The following RBFOX1 variants were observed in gnomAD, a reference collection of about 807,000 sequenced individuals.
RBFOX1 encodes RNA binding protein fox-1 homolog 1.
RBFOX1 carries 8 observed loss-of-function variants against 57.7 expected under a neutral mutation model. The ratio of observed to expected loss-of-function variants is 0.14; its 90% CI spans 0.08 to 0.25. RBFOX1 has a LOEUF of 0.25. RBFOX1 is among the 10% of genes least tolerant of loss of function. RBFOX1 has a pLI of 1.00. For synonymous variants in RBFOX1, 326 were observed against 222.4 expected (o/e 1.47, Z -4.15); for missense variants, 611 against 548.5 (o/e 1.11, Z -1.14).
At chr16:6,843,333 A>G (rs906013200) in intron 3 of RBFOX1, among the ~76,000 whole-genome samples, 2 of 151,902 alleles carry the variant, frequency 1.3e-5, no homozygotes, top group African/African-American at 2.4e-5. Flanking sequence ...GAGAAAACAC[A>G]TATTCCAGGG....
At chr16:6,153,625 T>G (rs989357544) in intron 1 of RBFOX1, among the ~76,000 whole-genome samples, 2 of 152,010 alleles carry the variant, frequency 1.3e-5, no homozygotes, top group South Asian at 4.2e-4. Flanking sequence ...AACCTCTGCC[T>G]CCCGGGTTCA....
chr16:6,997,200 T>C (rs192803704), intron 3 of RBFOX1, among the ~76,000 whole-genome samples: 3 of 152,234 alleles, frequency 2.0e-5, no homozygotes, highest in African/African-American at 7.2e-5. Context: ...CCCCAATAAC[T>C]TTAAGGTTTC....
At chr16:6,348,897 A>G (rs2085815733) in intron 2 of RBFOX1, among the ~76,000 whole-genome samples, 1 of 152,160 alleles carries the variant, frequency 6.6e-6, no homozygotes, top group South Asian at 2.1e-4. Context: ...ACCCAGGAAA[A>G]GCAGATTTCA....
At chr16:7,589,219 C>G (rs2094304811) in intron 7 of RBFOX1, among the ~76,000 whole-genome samples, 1 of 152,188 alleles carries the variant, frequency 6.6e-6, no homozygotes, top group African/African-American at 2.4e-5. Context: ...TATAGCAGCA[C>G]TGCCTTCAAA....
chr16:7,218,111 C>T (rs557688680), intron 4 of RBFOX1, among the ~76,000 whole-genome samples: 1 of 152,026 alleles, frequency 6.6e-6, no homozygotes, highest in East Asian at 2.0e-4. Context: ...CTGAGTAGAG[C>T]TCCCTCTGCA....
chr16:5,711,251 A>G (rs1462510363), intron 3 of RBFOX1, among the ~76,000 whole-genome samples: 2 of 152,232 alleles, frequency 1.3e-5, no homozygotes, highest in Admixed American at 6.5e-5. Context: ...ATAACCCTGT[A>G]TGGTAAGTAT....
chr16:7,086,858 T>C (rs2060071455), intron 4 of RBFOX1, among the ~76,000 whole-genome samples: 1 of 152,176 alleles, frequency 6.6e-6, no homozygotes. Context: ...GCTTAGTTGG[T>C]GGGGCTTGGT....
intron 2 of RBFOX1, among the ~76,000 whole-genome samples, chr16:6,422,429 A>G (rs1195710603): frequency 6.6e-6 from 1 of 151,844 alleles, no homozygotes; most frequent in African/African-American, 2.4e-5. Context: ...CCCCTTGTCT[A>G]TTGTTCCCAT....
At chr16:6,992,152 C>G (rs968918554) in intron 3 of RBFOX1, among the ~76,000 whole-genome samples, 5 of 149,670 alleles carry the variant, frequency 3.3e-5, no homozygotes, top group Middle Eastern at 3.5e-3. Flanking sequence ...CAGAACCAAG[C>G]TCATAGAGAA....
intron 3 of RBFOX1, among the ~76,000 whole-genome samples, chr16:5,672,404 C>A (rs945383290): frequency 3.9e-5 from 6 of 152,138 alleles, no homozygotes; most frequent in African/African-American, 7.2e-5. Flanking sequence ...CAGTGCCCTC[C>A]TGCTCCAGGG....
At chr16:5,937,492 A>C (rs2059191003) in intron 4 of RBFOX1, among the ~76,000 whole-genome samples, 1 of 152,114 alleles carries the variant, frequency 6.6e-6, no homozygotes, top group Non-Finnish European at 1.5e-5. Flanking sequence ...ATTTTTCAGC[A>C]GTGAATATAT....
intron 3 of RBFOX1, among the ~76,000 whole-genome samples, chr16:6,989,389 G>A (rs775833168): frequency 2.0e-5 from 3 of 152,126 alleles, no homozygotes; most frequent in African/African-American, 7.2e-5. Context: ...ATTATATAGT[G>A]TATAATGAAT....
intron 2 of RBFOX1, among the ~76,000 whole-genome samples, chr16:6,648,093 T>G (rs2098548581): frequency 6.6e-6 from 1 of 152,188 alleles, no homozygotes; most frequent in African/African-American, 2.4e-5. Context: ...TCCACCTGCC[T>G]TGGCCTCCCA....
At chr16:6,998,768 C>T (rs1240913849) in intron 3 of RBFOX1, among the ~76,000 whole-genome samples, 1 of 152,042 alleles carries the variant, frequency 6.6e-6, no homozygotes, top group African/African-American at 2.4e-5. Flanking sequence ...GTAGGAAGGG[C>T]ATTTTATTAC....
chr16:6,062,364 C>A (rs78186135), intron 1 of RBFOX1, among the ~76,000 whole-genome samples: 131 of 152,160 alleles, frequency 8.6e-4, no homozygotes, highest in African/African-American at 3.1e-3. Context: ...GTAGGTCCCC[C>A]TGGCAACCAT....
intron 4 of RBFOX1, among the ~76,000 whole-genome samples, chr16:7,148,027 T>A (rs2075368715): frequency 6.6e-6 from 1 of 152,108 alleles, no homozygotes; most frequent in Non-Finnish European, 1.5e-5. Flanking sequence ...CACTTCAAGA[T>A]CAGAGGCCAA....
intron 5 of RBFOX1, among the ~76,000 whole-genome samples, chr16:7,526,777 G>A (rs1008462535): frequency 2.6e-5 from 4 of 152,162 alleles, no homozygotes; most frequent in Admixed American, 1.3e-4. Flanking sequence ...TCCCCACCAC[G>A]TATGAAGTGT....
At chr16:5,337,591 A>T (rs534090409) in intron 1 of RBFOX1, among the ~76,000 whole-genome samples, 1 of 152,326 alleles carries the variant, frequency 6.6e-6, no homozygotes, top group East Asian at 1.9e-4. Flanking sequence ...AAATGTTTTT[A>T]AAAATAAATA....
intron 3 of RBFOX1, among the ~76,000 whole-genome samples, chr16:5,700,484 C>T (rs1291364751): frequency 6.6e-6 from 1 of 152,158 alleles, no homozygotes; most frequent in Non-Finnish European, 1.5e-5. Flanking sequence ...ACGTGTCTTT[C>T]TTTATAGGCA....
Sources: gnomAD v4.1 joint callset for allele counts (sites outside exome capture counted in the v4.1 genomes callset) on GRCh38, gnomAD v4.1.1 for gene constraint, MANE v1.5 for transcripts, NCBI Gene and HGNC (gene_info 2026-07-23, HGNC 2026-07-21) for gene names.